The following NMT2 variants were observed in gnomAD, a reference collection of about 807,000 sequenced individuals.
NMT2 encodes N-myristoyltransferase 2.
A neutral mutation model predicts 65.4 loss-of-function variants in NMT2; 35 were observed. The observed-to-expected ratio is 0.54, with a 90% CI of 0.41 to 0.71. NMT2 has a LOEUF of 0.71. Ranked by LOEUF, NMT2 falls within the 30% of genes least tolerant of loss-of-function variation. The pLI is 0.00. For missense variants in NMT2, 489 were observed against 611.3 expected, an observed-to-expected ratio of 0.80 and a Z score of 2.11; for synonymous variants, 226 against 231.8, an observed-to-expected ratio of 0.98 and a Z score of 0.23.
chr10:15,141,998 A>G (rs78145612), intron 1 of NMT2, among the ~76,000 whole-genome samples: 2,139 of 152,288 alleles, frequency 0.014, 56 homozygotes, highest in African/African-American at 0.049. Context: ...CAGAGGAGGA[A>G]ATGTTCCCTG....
At chr10:15,130,950 C>A (rs1237380751) in intron 6 of NMT2, among the ~76,000 whole-genome samples, 1 of 151,868 alleles carries the variant, frequency 6.6e-6, no homozygotes, top group Non-Finnish European at 1.5e-5. Context: ...CCACCATGCC[C>A]AGCTCATTTT....
Position 15,112,829 on chromosome 10 carries a change from G to T in NMT2, c.1305C>A (p.Asp435Glu). 1.4e-5 allele frequency: 23 copies of T among 1,614,016 alleles called. No individual in the cohort carries two copies. The highest frequency in any genetic ancestry group is 1.9e-5 in the Non-Finnish European group (23 of 1,179,962). Reference sequence around the variant, plus strand: ...CCAGGATGAGCGCGTCGCTCATGAGGTCCAGCAGGGGCGTCTCTGTGTGGA... The same window carrying T: ...CCAGGATGAGCGCGTCGCTCATGAGTTCCAGCAGGGGCGTCTCTGTGTGGA... ...YNIHTETPLL[D>E]LMSDALILAK... The change falls in exon 10 of 12, where the codon GAC (aspartate) becomes GAA (glutamate). Residue 435 changes from aspartate (D) to glutamate (E), a missense_variant. Asp to Glu is a conservative substitution (Grantham distance 45). Coordinates refer to ENST00000378165, the MANE Select transcript of NMT2 (RefSeq NM_004808.3).
chr10:15,121,263 T>A (rs979390375), intron 8 of NMT2, among the ~76,000 whole-genome samples: 1 of 152,244 alleles, frequency 6.6e-6, no homozygotes, highest in African/African-American at 2.4e-5. Context: ...AAATTTTATA[T>A]AATCTAGCAG....
In NMT2 at chr10:15,132,944, G is replaced by A. The variant is rs202169524; in HGVS notation, c.603-11C>T. The A allele has an allele frequency of 4.1e-4, 652 of 1,607,780 alleles. 1 individual carries two copies. Among genetic ancestry groups the A allele is most frequent in the Non-Finnish European group, 5.1e-4 (604 of 1,175,522 alleles). ...GGTGGACGCAGAGCCCTGAGGTCAC[G>A]GTAGACAAGAAAACAGGCACCAGTT... is the stretch of plus-strand genomic sequence containing the variant. On this transcript the variant is annotated splice_polypyrimidine_tract_variant and intron_variant, in intron 5 of 11. Transcript: ENST00000378165.
chr10:15,128,413 T>C lies in NMT2; in HGVS notation c.936A>G (p.Lys312=). The change falls in exon 8 of 12, where the codon AAA becomes AAG. Residue 312 remains lysine, a synonymous_variant. Transcript: ENST00000378165. ...TCATATTTCTACTCAAGTGAGAAAATTTCACTTCTACCAATTTTCTGGGGT... is the reference window on the plus strand; with the variant it reads ...TCATATTTCTACTCAAGTGAGAAAACTTCACTTCTACCAATTTTCTGGGGT... ...SLNPRKLVEV[K]FSHLSRNMTL... 6.2e-7 allele frequency: 1 copy of C among 1,611,454 alleles called. No homozygotes were observed. The highest frequency in any genetic ancestry group is 8.5e-7 in the Non-Finnish European group (1 of 1,177,658).
At chr10:15,130,703 CAAAAAAAAAAAAAAA>C (rs974360507) in intron 6 of NMT2, among the ~76,000 whole-genome samples, 1 of 28,634 alleles carries the variant, frequency 3.5e-5, no homozygotes, top group Non-Finnish European at 6.7e-5. Flanking sequence ...GGCCCTGTCT[CAAAAAAAAAAAAAAA>C]AAAAAAAAAG....
intron 1 of NMT2, among the ~76,000 whole-genome samples, chr10:15,164,914 C>G (rs1833325828): frequency 6.6e-6 from 1 of 152,096 alleles, no homozygotes. Flanking sequence ...GCCTGTAATC[C>G]CAGCACTTTG....
chr10:15,113,529 TCC>T (rs894082077), intron 9 of NMT2, among the ~76,000 whole-genome samples: 51 of 149,248 alleles, frequency 3.4e-4, no homozygotes, highest in African/African-American at 1.1e-3. Flanking sequence ...AAGGAAAGCT[TCC>T]CTCAGGCTGA....
intron 1 of NMT2, among the ~76,000 whole-genome samples, chr10:15,158,519 G>T (rs1833079759): frequency 6.6e-6 from 1 of 152,102 alleles, no homozygotes; most frequent in African/African-American, 2.4e-5. Flanking sequence ...ATTTGTCAAT[G>T]GGAATTAAGA....
chr10:15,108,797 T>G lies in NMT2; in HGVS notation c.*398A>C. The G allele has an allele frequency of 9.6e-7, 1 of 1,038,794 alleles. No homozygotes were observed. The highest frequency in any genetic ancestry group is 1.2e-6 in the Non-Finnish European group (1 of 865,566). 64.3% of individuals were successfully genotyped at this position (1,038,794 alleles called of 1,614,324 possible). ...TTACATGGACAAATGTACCATCACT[T>G]AAGAAACAGAAATGCAGCAATTTCT... On this transcript the variant is annotated 3_prime_UTR_variant, in exon 12 of 12. Transcript: ENST00000378165.
intron 1 of NMT2, among the ~76,000 whole-genome samples, chr10:15,165,163 C>CAA (rs34775170): frequency 7.9e-5 from 10 of 126,056 alleles, no homozygotes; most frequent in East Asian, 2.4e-4. Context: ...AACTCCATCT[C>CAA]AAAAAAAAAA....
intron 2 of NMT2, chr10:15,138,310 T>C (rs1056229848): frequency 8.5e-6 from 4 of 469,454 alleles, no homozygotes; most frequent in Non-Finnish European, 1.8e-5. Flanking sequence ...CACATACGGC[T>C]CTATTTAAAT....
intron 2 of NMT2, among the ~76,000 whole-genome samples, chr10:15,140,451 G>A (rs1169579496): frequency 2.0e-5 from 3 of 148,964 alleles, no homozygotes; most frequent in Admixed American, 6.7e-5. Context: ...TTGTAGGTAC[G>A]ATCATCAAAA....
chr10:15,136,932 CT>C, intron 2 of NMT2, among the ~76,000 whole-genome samples: 2 of 151,452 alleles, frequency 1.3e-5, no homozygotes. Context: ...AAATCAATGA[CT>C]TTTTTCAATA....
chr10:15,156,831 G>A (rs1316607093), intron 1 of NMT2, among the ~76,000 whole-genome samples: 1 of 152,038 alleles, frequency 6.6e-6, no homozygotes, highest in Non-Finnish European at 1.5e-5. Flanking sequence ...GGGAGGCGGA[G>A]GTTGCAGTGA....
intron 1 of NMT2, among the ~76,000 whole-genome samples, chr10:15,166,674 G>T (rs1833387229): frequency 6.6e-6 from 1 of 152,054 alleles, no homozygotes; most frequent in South Asian, 2.1e-4. Flanking sequence ...ATCTGCTCTT[G>T]GTGAAAACAT....
chr10:15,167,264 C>T (rs1344889941), intron 1 of NMT2, among the ~76,000 whole-genome samples: 3 of 152,152 alleles, frequency 2.0e-5, no homozygotes, highest in Non-Finnish European at 2.9e-5. Flanking sequence ...AAACAACTTG[C>T]AAATGGGAGA....
intron 1 of NMT2, among the ~76,000 whole-genome samples, chr10:15,162,213 C>T (rs1399935924): frequency 6.9e-6 from 1 of 144,430 alleles, no homozygotes; most frequent in Non-Finnish European, 1.5e-5. Flanking sequence ...GATTGTGCCA[C>T]TGCACTCCAG....
chr10:15,151,558 T>A (rs1371787573), intron 1 of NMT2, among the ~76,000 whole-genome samples: 4 of 152,256 alleles, frequency 2.6e-5, no homozygotes, highest in Admixed American at 2.6e-4. Context: ...AAGAAATATT[T>A]TAAATGCTTT....
Sources: gnomAD v4.1 joint callset for allele counts (sites outside exome capture counted in the v4.1 genomes callset) on GRCh38, gnomAD v4.1.1 for gene constraint, MANE v1.5 for transcripts, NCBI Gene and HGNC (gene_info 2026-07-23, HGNC 2026-07-21) for gene names.